The following CTNNA2 variants were observed in gnomAD, a reference collection of about 807,000 sequenced individuals.
CTNNA2 encodes the protein catenin alpha 2.
A neutral mutation model predicts 101.0 loss-of-function variants in CTNNA2; 42 were observed. That is an observed-to-expected ratio of 0.42 (90% CI 0.32 to 0.54). The LOEUF (loss-of-function observed/expected upper bound fraction) is 0.54. Ranked by LOEUF, CTNNA2 falls within the 20% of genes least tolerant of loss-of-function variation. CTNNA2 has a pLI of 0.14. For missense variants in CTNNA2, 871 were observed against 1,223.1 expected (o/e 0.71, Z 4.29); for synonymous variants, 450 against 456.4 (o/e 0.99, Z 0.18).
At chr2:79,915,400 A>C (rs895701633) in intron 7 of CTNNA2, among the ~76,000 whole-genome samples, 2 of 152,074 alleles carry the variant, frequency 1.3e-5, no homozygotes, top group Non-Finnish European at 2.9e-5. Context: ...TATTCTCTTT[A>C]CTCAATATAT....
At chr2:79,687,516 A>T (rs1218568157) in intron 2 of CTNNA2, 2 of 666,756 alleles carry the variant, frequency 3.0e-6, no homozygotes, top group Admixed American at 2.5e-5. Flanking sequence ...GAGGGCACAC[A>T]CTGGAATCCA....
At chr2:79,554,296 T>C (rs1674306029) in intron 1 of CTNNA2, among the ~76,000 whole-genome samples, 1 of 152,146 alleles carries the variant, frequency 6.6e-6, no homozygotes, top group South Asian at 2.1e-4. Context: ...TTGAGGTAAA[T>C]TACTTTGCAA....
chr2:80,235,869 G>T (rs1320301831), intron 7 of CTNNA2, among the ~76,000 whole-genome samples: 2 of 152,124 alleles, frequency 1.3e-5, no homozygotes, highest in Non-Finnish European at 2.9e-5. Context: ...AAGTAAACTT[G>T]TGTCATGGGG....
chr2:80,590,383 C>G (rs901752681), intron 15 of CTNNA2, among the ~76,000 whole-genome samples: 1 of 152,008 alleles, frequency 6.6e-6, no homozygotes, highest in African/African-American at 2.4e-5. Flanking sequence ...AGAGATAATG[C>G]AAGTATAAAT....
intron 2 of CTNNA2, among the ~76,000 whole-genome samples, chr2:79,678,245 A>G (rs1683318862): frequency 1.3e-5 from 2 of 152,292 alleles, no homozygotes; most frequent in East Asian, 3.9e-4. Flanking sequence ...TTAAGGTAAA[A>G]GGTCTCTATC....
At chr2:80,136,720 C>G (rs975259963) in intron 7 of CTNNA2, among the ~76,000 whole-genome samples, 10 of 152,028 alleles carry the variant, frequency 6.6e-5, no homozygotes, top group African/African-American at 9.7e-5. Context: ...ATCTTTATAC[C>G]CTTCTTATTT....
At position 79,772,466 on chromosome 2, in the gene CTNNA2, G is replaced by A. The variant is rs1673659399; in HGVS notation, c.298+27884G>A. On this transcript the variant is annotated intron_variant, in intron 3 of 18. Coordinates refer to ENST00000402739, the MANE Select transcript of CTNNA2 (RefSeq NM_001282597.3). ...TTCCATCTCAGATAATAGTTCAGAA[G>A]TGGATGCATGGTCTGGTGAGCAGCT... Among the ~76,000 whole-genome samples, 4 of 152,222 alleles carry A rather than the reference G, an allele frequency of 2.6e-5. No homozygotes were observed. The South Asian group carries it at 8.3e-4, about 31-fold the overall frequency.
At chr2:80,130,080 C>T (rs1702333413) in intron 7 of CTNNA2, among the ~76,000 whole-genome samples, 1 of 151,994 alleles carries the variant, frequency 6.6e-6, no homozygotes, top group African/African-American at 2.4e-5. Flanking sequence ...TGAGGCAGAC[C>T]AAAGTGCATT....
At chr2:80,408,396 A>AT (rs1186156930) in intron 8 of CTNNA2, among the ~76,000 whole-genome samples, 2 of 152,086 alleles carry the variant, frequency 1.3e-5, no homozygotes, top group African/African-American at 2.4e-5. Flanking sequence ...TTAACCACAC[A>AT]TTTTTTATAG....
At chr2:79,964,530 T>C (rs1689887887) in intron 7 of CTNNA2, among the ~76,000 whole-genome samples, 1 of 152,218 alleles carries the variant, frequency 6.6e-6, no homozygotes, top group Non-Finnish European at 1.5e-5. Context: ...AAAGTTTGTT[T>C]TTGTTCCAAT....
chr2:80,043,748 C>T lies in CTNNA2; in HGVS notation c.1056+133951C>T, dbSNP rs149971464. ...CTCAGATATAAGCCCATGCCTTTTT[C>T]CCACCTCATGTGCTAACACTGGTGG... On this transcript the variant is annotated intron_variant, in intron 7 of 18. Transcript: ENST00000402739. Among the ~76,000 whole-genome samples, 1,032 of 152,252 alleles carry T rather than the reference C, an allele frequency of 6.8e-3. 8 individuals carry two copies. Among genetic ancestry groups the T allele is most frequent in the Middle Eastern group, 0.014 (4 of 294 alleles).
chr2:80,043,040 C>T (rs12233214), intron 7 of CTNNA2, among the ~76,000 whole-genome samples: 4,812 of 52,068 alleles, frequency 0.092, 641 homozygotes, highest in African/African-American at 0.18. Context: ...TCTTTCTTTC[C>T]TTCTTTCTTT....
At chr2:79,942,128 A>G (rs1299891821) in intron 7 of CTNNA2, among the ~76,000 whole-genome samples, 2 of 152,152 alleles carry the variant, frequency 1.3e-5, no homozygotes, top group African/African-American at 2.4e-5. Flanking sequence ...GGGAGAAACC[A>G]TTATTAATCA....
At chr2:79,969,697 T>C (rs1324428555) in intron 7 of CTNNA2, among the ~76,000 whole-genome samples, 1 of 152,196 alleles carries the variant, frequency 6.6e-6, no homozygotes, top group Non-Finnish European at 1.5e-5. Flanking sequence ...TCACTGTGCT[T>C]TTTTCTGCCT....
chr2:80,425,026 G>A (rs549275683), intron 9 of CTNNA2, among the ~76,000 whole-genome samples: 64 of 152,222 alleles, frequency 4.2e-4, no homozygotes, highest in African/African-American at 1.5e-3. Context: ...TCTCAGCAGC[G>A]ACCTTCTTTC....
At chr2:80,185,966 A>G (rs1375442687) in intron 7 of CTNNA2, among the ~76,000 whole-genome samples, 1 of 152,190 alleles carries the variant, frequency 6.6e-6, no homozygotes, top group Non-Finnish European at 1.5e-5. Context: ...GTAAGAGTTG[A>G]TGTTGAACAC....
chr2:79,454,594 T>G (rs1258379535), intron 4 of CTNNA2, among the ~76,000 whole-genome samples: 3 of 152,168 alleles, frequency 2.0e-5, no homozygotes, highest in Admixed American at 2.0e-4. Flanking sequence ...AATATTATCA[T>G]GGTAACTTTG....
At chr2:80,211,201 GC>G (rs1707867983) in intron 7 of CTNNA2, among the ~76,000 whole-genome samples, 3 of 152,136 alleles carry the variant, frequency 2.0e-5, no homozygotes. Flanking sequence ...CTTTTGCTGT[GC>G]AGAAGCTCTT....
intron 2 of CTNNA2, among the ~76,000 whole-genome samples, chr2:79,299,923 A>T (rs1284534283): frequency 6.6e-6 from 1 of 152,192 alleles, no homozygotes; most frequent in Non-Finnish European, 1.5e-5. Flanking sequence ...TTTTTAGGGA[A>T]GTTTTAGATT....
Sources: allele counts gnomAD v4.1 joint callset (sites outside exome capture counted in the v4.1 genomes callset), GRCh38; gene constraint gnomAD v4.1.1; transcripts MANE v1.5; gene names NCBI Gene and HGNC (gene_info 2026-07-23, HGNC 2026-07-21).